The following PDE6H variants were observed in gnomAD, a reference collection of about 807,000 sequenced individuals.
The protein encoded by PDE6H is phosphodiesterase 6H, also known as retinal cone rhodopsin-sensitive cGMP 3',5'-cyclic phosphodiesterase subunit gamma.
In PDE6H, 11 loss-of-function variants were observed where a neutral mutation model predicts 9.2. The observed-to-expected ratio is 1.19, with a 90% CI of 0.75 to 1.97. PDE6H has a LOEUF of 1.97. Ranked by LOEUF, PDE6H falls within the 30% of genes most tolerant of loss-of-function variation. PDE6H has a pLI of 0.00. For synonymous variants in PDE6H, 36 were observed against 33.6 expected, an observed-to-expected ratio of 1.07 and a Z score of -0.25; for missense variants, 98 against 101.5, an observed-to-expected ratio of 0.97 and a Z score of 0.15.
At chr12:14,980,518 C>A (rs1361242046) in intron 3 of PDE6H, among the ~76,000 whole-genome samples, 2 of 152,208 alleles carry the variant, frequency 1.3e-5, no homozygotes, top group African/African-American at 4.8e-5. Context: ...TAATCAGTGT[C>A]CTTCCCAGGC....
At chr12:14,973,852 G>T (rs1343678925) in intron 1 of PDE6H, among the ~76,000 whole-genome samples, 1 of 152,138 alleles carries the variant, frequency 6.6e-6, no homozygotes, top group African/African-American at 2.4e-5. Flanking sequence ...GCATCAGAGA[G>T]CTGTCTCAGG....
rs117560752 is a variant in PDE6H, at chr12:14,978,919, C to A, written c.135-260C>A. Among the ~76,000 whole-genome samples, 1,052 of 151,976 alleles carry A rather than the reference C, an allele frequency of 6.9e-3. 23 individuals carry two copies. Among genetic ancestry groups the A allele is most frequent in the East Asian group, 0.031 (161 of 5,178 alleles). ...AAAAGTGAAACTTGACTAAGTTGTC[C>A]CACTGATGGTTCTTTCTGACTCTTA... On this transcript the variant is annotated intron_variant, in intron 2 of 3. Coordinates refer to ENST00000266395, the MANE Select transcript of PDE6H (RefSeq NM_006205.3).
chr12:14,973,716 A>T (rs190041536), intron 1 of PDE6H, among the ~76,000 whole-genome samples: 176 of 152,228 alleles, frequency 1.2e-3, no homozygotes, highest in African/African-American at 4.2e-3. Flanking sequence ...TATGGGCTCA[A>T]CCCCAGCAGT....
rs183718286 is a variant in PDE6H at position 14,980,175 on chromosome 12, C to A, written c.175+956C>A. Reference sequence around the variant, plus strand: ...TAAACCCCAGACATCCACTAATGTTCTTACTGTCTCTATAGTTTTGCCTTT... The same window carrying A: ...TAAACCCCAGACATCCACTAATGTTATTACTGTCTCTATAGTTTTGCCTTT... On this transcript the variant is annotated intron_variant, in intron 3 of 3. Transcript: ENST00000266395. 1.8e-4 allele frequency among the ~76,000 whole-genome samples: 27 copies of A among 152,280 alleles called. No homozygotes were observed. The East Asian group carries it at 4.8e-3, about 27-fold the overall frequency.
At chr12:14,977,946 C>T (rs1864620311) in intron 1 of PDE6H, 26 bp from the exon 2 acceptor site, 14 of 1,514,460 alleles carry the variant, frequency 9.2e-6, no homozygotes, top group Non-Finnish European at 1.2e-5. Flanking sequence ...GAAAGATCTT[C>T]TTTTTTTTAT....
chr12:14,981,151 C>A (rs1259088880), intron 3 of PDE6H, among the ~76,000 whole-genome samples: 1 of 152,208 alleles, frequency 6.6e-6, no homozygotes, highest in African/African-American at 2.4e-5. Flanking sequence ...ACAGGGAACC[C>A]CCCAGTCAAC....
intron 1 of PDE6H, among the ~76,000 whole-genome samples, chr12:14,975,368 A>ATT (rs11314271): frequency 0.013 from 1,964 of 149,164 alleles, 27 homozygotes; most frequent in East Asian, 0.033. Flanking sequence ...GTGTCTTGTA[A>ATT]TTTTTTTTTT....
In PDE6H at chr12:14,981,400, A is replaced by C; in HGVS notation, c.176A>C (p.Asp59Ala). 4.4e-6 allele frequency: 7 copies of C among 1,605,008 alleles called. No individual in the cohort carries two copies. The highest frequency in any genetic ancestry group is 6.0e-6 in the Non-Finnish European group (7 of 1,171,662). ...DIPGMEGLGTDITVICPWEAF... is the reference protein window; with the variant it reads ...DIPGMEGLGTAITVICPWEAF... The stretch of plus-strand genomic sequence containing the variant: ...CGTGCTCTTCTTCCATCTCTTGCAG[A>C]TATCACAGTGATTTGTCCATGGGAG... The change falls in exon 4 of 4, where the codon GAT (aspartate) becomes GCT (alanine). Residue 59 changes from aspartate to alanine, a missense_variant and splice_region_variant. Physicochemically the swap from Asp to Ala is moderately radical, Grantham distance 126 (BLOSUM62 -2). Transcript: ENST00000266395.
rs1864684843 is a variant in PDE6H at position 14,981,536 on chromosome 12, T to G, written c.*60T>G. On this transcript the variant is annotated 3_prime_UTR_variant, in exon 4 of 4. Coordinates refer to ENST00000266395, the MANE Select transcript of PDE6H (RefSeq NM_006205.3). ...GCTGTAATTTTGGTTGCTTTTGCCC[T>G]GTTGATCTGCCGGAGTCTTGAAATT... 8.9e-7 allele frequency: 1 copy of G among 1,119,384 alleles called. No homozygotes were observed. The highest frequency in any genetic ancestry group is 1.5e-5 in the African/African-American group (1 of 65,572). The allele number at this position is 1,119,384 out of a possible 1,614,324, so 69.3% of individuals were successfully genotyped here. A position where few individuals can be genotyped will look rare whatever the true frequency, so the allele number is the denominator to read the frequency against.
rs1206789649 is a variant in PDE6H, at chr12:14,979,209, G to T, written c.165G>T (p.Gly55=). 3 of 1,607,784 alleles carry T rather than the reference G, an allele frequency of 1.9e-6. No homozygotes were observed. Among genetic ancestry groups the T allele is most frequent in the African/African-American group, 1.3e-5 (1 of 74,810 alleles). ...GFGDDIPGME[G]LGTDITVICP... ...GAGATGACATTCCAGGAATGGAGGG[G>T]CTAGGAACAGGTAAGCCATCCACTG... is the stretch of plus-strand genomic sequence containing the variant. Residue 55 remains glycine (G), a synonymous_variant, in exon 3 of 4, where the codon GGG becomes GGT. Transcript: ENST00000266395.
At position 14,978,005 on chromosome 12, in the gene PDE6H, G is replaced by A; in HGVS notation, c.-8G>A. 1.2e-6 allele frequency: 2 copies of A among 1,613,100 alleles called. No individual in the cohort carries two copies. Among genetic ancestry groups the A allele is most frequent in the Non-Finnish European group, 1.7e-6 (2 of 1,179,842 alleles). On this transcript the variant is annotated 5_prime_UTR_variant, in exon 2 of 4. Coordinates refer to ENST00000266395, the MANE Select transcript of PDE6H (RefSeq NM_006205.3). ...AAGGGAAACATCAGCCGCCCGGGGG[G>A]AGTTAAAATGAGTGACAACACTACT...
intron 3 of PDE6H, among the ~76,000 whole-genome samples, 189 bp downstream of exon 3, chr12:14,979,408 A>G (rs574038022): frequency 5.6e-4 from 86 of 152,362 alleles, no homozygotes; most frequent in Non-Finnish European, 9.4e-4. Context: ...CAAAAGCCCT[A>G]AAAGAAATCA....
chr12:14,975,831 T>G (rs370026817), intron 1 of PDE6H, among the ~76,000 whole-genome samples: 24 of 150,762 alleles, frequency 1.6e-4, no homozygotes, highest in African/African-American at 5.6e-4. Context: ...TTTTGTTTTT[T>G]TTTTTTGGAG....
chr12:14,978,599 C>A (rs375809375), intron 2 of PDE6H, among the ~76,000 whole-genome samples: 140 of 152,302 alleles, frequency 9.2e-4, no homozygotes, highest in African/African-American at 3.2e-3. Context: ...ATGCTAATTT[C>A]TTTTTGAAGC....
At chr12:14,975,660 G>A (rs745628461) in intron 1 of PDE6H, among the ~76,000 whole-genome samples, 1 of 152,060 alleles carries the variant, frequency 6.6e-6, no homozygotes, top group Non-Finnish European at 1.5e-5. Flanking sequence ...GGTAGAGAGG[G>A]CCCACAGAAC....
At position 14,981,852 on chromosome 12, in the gene PDE6H, A is replaced by C. The variant is rs536950892; in HGVS notation, c.*376A>C. On this transcript the variant is annotated 3_prime_UTR_variant, in exon 4 of 4. Coordinates refer to ENST00000266395, the MANE Select transcript of PDE6H (RefSeq NM_006205.3). ...CACCTCCTCATATTTAATAAAGGAG[A>C]TATTTACCTTGAATGTTGGTGAAGT... 2.7e-5 allele frequency: 9 copies of C among 327,316 alleles called. No homozygotes were observed. The Admixed American group carries it at 4.2e-4, about 15-fold the overall frequency. The allele number at this position is 327,316 out of a possible 1,614,324, so 20.3% of individuals were successfully genotyped here. A position where few individuals can be genotyped will look rare whatever the true frequency, so the allele number is the denominator to read the frequency against.
At chr12:14,976,382 T>C (rs1270871611) in intron 1 of PDE6H, among the ~76,000 whole-genome samples, 1 of 152,182 alleles carries the variant, frequency 6.6e-6, no homozygotes, top group Non-Finnish European at 1.5e-5. Context: ...GAGGCGAGGA[T>C]AATAATTGCA....
At position 14,981,639 on chromosome 12, in the gene PDE6H, A is replaced by G; in HGVS notation, c.*163A>G. 2.9e-6 allele frequency: 2 copies of G among 684,022 alleles called. No individual in the cohort carries two copies. The highest frequency in any genetic ancestry group is 4.1e-5 in the Admixed American group (2 of 48,224). The allele number at this position is 684,022 out of a possible 1,614,324, so 42.4% of individuals were successfully genotyped here. A position where few individuals can be genotyped will look rare whatever the true frequency, so the allele number is the denominator to read the frequency against. ...CTACTAAGAGTTCTCTTACTGTCAG[A>G]ATCTCTCTTGCAGTACAGCTCAAAA... On this transcript the variant is annotated 3_prime_UTR_variant, in exon 4 of 4. Coordinates refer to ENST00000266395, the MANE Select transcript of PDE6H (RefSeq NM_006205.3).
At chr12:14,978,817 T>C (rs1864636316) in intron 2 of PDE6H, among the ~76,000 whole-genome samples, 1 of 152,276 alleles carries the variant, frequency 6.6e-6, no homozygotes, top group Non-Finnish European at 1.5e-5. Flanking sequence ...TTAATGATTT[T>C]GAATAAGTAA....
Sources: gnomAD v4.1 joint callset for allele counts (sites outside exome capture counted in the v4.1 genomes callset) on GRCh38, gnomAD v4.1.1 for gene constraint, MANE v1.5 for transcripts, NCBI Gene and HGNC (gene_info 2026-07-23, HGNC 2026-07-21) for gene names.